The following DPYSL5 variants were observed in gnomAD, a reference collection of about 807,000 sequenced individuals.
DPYSL5 encodes dihydropyrimidinase-related protein 5.
Under a neutral mutation model 58.4 loss-of-function variants are expected in DPYSL5, and 9 were observed. The observed-to-expected ratio is 0.15, with a 90% CI of 0.09 to 0.27. The LOEUF (loss-of-function observed/expected upper bound fraction) is 0.27, where lower values mean the gene tolerates loss of function less well. DPYSL5 is among the 10% of genes least tolerant of loss of function. The probability of loss-of-function intolerance (pLI) is 1.00; values close to 1 mark genes in which losing one functional copy is unlikely to be tolerated. For synonymous variants in DPYSL5, 293 were observed against 301.9 expected (o/e 0.97, Z 0.31); for missense variants, 499 against 770.6 (o/e 0.65, Z 4.17).
chr2:26,943,463 G>A (rs1665377979), intron 11 of DPYSL5, among the ~76,000 whole-genome samples: 1 of 152,146 alleles, frequency 6.6e-6, no homozygotes, highest in South Asian at 2.1e-4. Flanking sequence ...GGGTTTAACC[G>A]TGTTGCTCGG....
chr2:26,921,099 T>A (rs1664691493), intron 2 of DPYSL5, among the ~76,000 whole-genome samples: 2 of 152,304 alleles, frequency 1.3e-5, no homozygotes, highest in South Asian at 4.1e-4. Context: ...CAACACACTA[T>A]ACTATGGCTG....
At chr2:26,870,708 C>CA (rs576919628) in intron 1 of DPYSL5, among the ~76,000 whole-genome samples, 4,802 of 80,172 alleles carry the variant, frequency 0.06, 264 homozygotes, top group African/African-American at 0.18. Flanking sequence ...GACTCTGTCT[C>CA]AAAAAAAAAA....
chr2:26,902,121 A>G (rs894237503), intron 2 of DPYSL5, among the ~76,000 whole-genome samples: 2 of 152,210 alleles, frequency 1.3e-5, no homozygotes, highest in South Asian at 4.1e-4. Flanking sequence ...CCTGCTGGCT[A>G]ACAATACAGA....
chr2:26,936,644 T>C (rs1665186740), intron 8 of DPYSL5, among the ~76,000 whole-genome samples: 1 of 152,182 alleles, frequency 6.6e-6, no homozygotes, highest in Middle Eastern at 3.4e-3. Flanking sequence ...CTAGATCAGC[T>C]CTTACTCTTA....
chr2:26,935,892 G>T (rs543452774), intron 8 of DPYSL5, among the ~76,000 whole-genome samples: 1 of 152,188 alleles, frequency 6.6e-6, no homozygotes, highest in Non-Finnish European at 1.5e-5. Context: ...TTGCAGCACT[G>T]GCAATGCCTC....
rs1358865995 is a variant in DPYSL5 at position 26,932,105 on chromosome 2, AAG to A, written c.714+423_714+424del. 5.2e-4 allele frequency among the ~76,000 whole-genome samples: 76 copies of A among 147,074 alleles called. 3 individuals carry two copies. Among genetic ancestry groups the A allele is most frequent in the Middle Eastern group, 3.5e-3 (1 of 286 alleles). On this transcript the variant is annotated intron_variant, in intron 6 of 12. Coordinates refer to ENST00000288699, the MANE Select transcript of DPYSL5 (RefSeq NM_020134.4). ...AGAAAAGAAAAAAGAAAGAGAAAGA[AAG>A]AAAAGAAAAAAGAAAGAGAAAGAAA...
intron 1 of DPYSL5, among the ~76,000 whole-genome samples, chr2:26,876,197 T>G (rs1481113307): frequency 2.0e-5 from 3 of 152,214 alleles, no homozygotes; most frequent in Admixed American, 6.5e-5. Flanking sequence ...GCTCCCATTT[T>G]GTAGCCATTT....
At chr2:26,916,251 C>A (rs1172299537) in intron 2 of DPYSL5, among the ~76,000 whole-genome samples, 1 of 152,196 alleles carries the variant, frequency 6.6e-6, no homozygotes, top group Non-Finnish European at 1.5e-5. Context: ...CCCAACACTG[C>A]CCTTGAGCTT....
chr2:26,879,941 A>C (rs1469462320), intron 1 of DPYSL5, among the ~76,000 whole-genome samples: 1 of 151,900 alleles, frequency 6.6e-6, no homozygotes, highest in Non-Finnish European at 1.5e-5. Flanking sequence ...CCCAGGCTGG[A>C]GTGCAGTGGC....
At chr2:26,869,328 A>G (rs1663198673) in intron 1 of DPYSL5, among the ~76,000 whole-genome samples, 1 of 152,190 alleles carries the variant, frequency 6.6e-6, no homozygotes, top group African/African-American at 2.4e-5. Context: ...TTTACATACT[A>G]TAACATTACT....
rs1055704392 is a variant in DPYSL5, at chr2:26,927,723, G to T, written c.600+291G>T. 6.6e-6 allele frequency among the ~76,000 whole-genome samples: 1 copy of T among 152,178 alleles called. No homozygotes were observed. Among genetic ancestry groups the T allele is most frequent in the African/African-American group, 2.4e-5 (1 of 41,444 alleles). ...AAATTCCATTATAGCAGAGAATTTG[G>T]AGCACCTCTCAGACATATTTTTAAT... On this transcript the variant is annotated intron_variant, in intron 4 of 12. Coordinates refer to ENST00000288699, the MANE Select transcript of DPYSL5 (RefSeq NM_020134.4). The surrounding 1 kb of genome is among the most constrained non-coding windows in gnomAD (Gnocchi z 4.3).
chr2:26,933,217 T>C lies in DPYSL5; in HGVS notation c.715-41T>C. On this transcript the variant is annotated intron_variant, in intron 6 of 12. Coordinates refer to ENST00000288699, the MANE Select transcript of DPYSL5 (RefSeq NM_020134.4). This position sits in a 1 kb window ranked among gnomAD's most constrained non-coding sequence, Gnocchi z 4.2. ...GTTATTCTGATGCTTGTGAAGTTTA[T>C]GGGTCAACCCTCCCTACTTCCCACT... The C allele has an allele frequency of 6.3e-7, 1 of 1,590,432 alleles. No homozygotes were observed. The highest frequency in any genetic ancestry group is 8.6e-7 in the Non-Finnish European group (1 of 1,158,470).
rs1019909621 is a variant in DPYSL5 at position 26,944,386 on chromosome 2, T to C, written c.1441-270T>C. Among the ~76,000 whole-genome samples the C allele has an allele frequency of 4.6e-5, 7 of 152,168 alleles. No individual in the cohort carries two copies. The highest frequency in any genetic ancestry group is 8.8e-5 in the Non-Finnish European group (6 of 68,038). ...AGTGTTGAGGGGGAGCCAGTATCTC[T>C]CCCATACACATGCATGCACACACAC... On this transcript the variant is annotated intron_variant, in intron 11 of 12. Transcript: ENST00000288699. The surrounding 1 kb of genome is among the most constrained non-coding windows in gnomAD (Gnocchi z 4.4).
At position 26,934,465 on chromosome 2, in the gene DPYSL5, G is replaced by A. The variant is rs1665121376; in HGVS notation, c.791-113G>A. The A allele has an allele frequency of 7.6e-7, 1 of 1,318,406 alleles. No individual in the cohort carries two copies. Among genetic ancestry groups the A allele is most frequent in the Non-Finnish European group, 1.0e-6 (1 of 964,846 alleles). The allele number at this position is 1,318,406 out of a possible 1,614,324, so 81.7% of individuals were successfully genotyped here. A position where few individuals can be genotyped will look rare whatever the true frequency, so the allele number is the denominator to read the frequency against. ...TTAAAAGCCCTGTGAGCTTGGGCAG[G>A]TCCCTTCCTGTCTCTGACCTCAGCT... On this transcript the variant is annotated intron_variant, in intron 7 of 12. Coordinates refer to ENST00000288699, the MANE Select transcript of DPYSL5 (RefSeq NM_020134.4). The surrounding 1 kb of genome is among the most constrained non-coding windows in gnomAD (Gnocchi z 4.3).
At chr2:26,855,458 T>C (rs958484140) in intron 1 of DPYSL5, among the ~76,000 whole-genome samples, 1 of 151,914 alleles carries the variant, frequency 6.6e-6, no homozygotes, top group African/African-American at 2.4e-5. Flanking sequence ...CCAAGTAAGA[T>C]TGAGTTTTTG....
Position 26,925,403 on chromosome 2 carries a change from G to A in DPYSL5, c.420+358G>A, listed in dbSNP as rs1043745420. On this transcript the variant is annotated intron_variant, in intron 3 of 12. Transcript: ENST00000288699. This position sits in a 1 kb window ranked among gnomAD's most constrained non-coding sequence, Gnocchi z 4.5. ...GAAGAGGCCTGAGCAGGGCTCAGGT[G>A]CAGAGGGTCATATCCCATATCCTAT... is the stretch of plus-strand genomic sequence containing the variant. Among the ~76,000 whole-genome samples the A allele has an allele frequency of 2.6e-5, 4 of 152,180 alleles. No individual in the cohort carries two copies. The highest frequency in any genetic ancestry group is 5.9e-5 in the Non-Finnish European group (4 of 68,022).
intron 2 of DPYSL5, among the ~76,000 whole-genome samples, chr2:26,909,502 C>T (rs1160383477): frequency 3.9e-5 from 6 of 152,022 alleles, no homozygotes; most frequent in Admixed American, 3.3e-4. Context: ...CTCGGTGGCT[C>T]ACGCCTGTAA....
rs1665416856 is a variant in DPYSL5 at position 26,944,554 on chromosome 2, G to A, written c.1441-102G>A. On this transcript the variant is annotated intron_variant, in intron 11 of 12. Coordinates refer to ENST00000288699, the MANE Select transcript of DPYSL5 (RefSeq NM_020134.4). The surrounding 1 kb of genome is among the most constrained non-coding windows in gnomAD (Gnocchi z 4.4). Reference sequence around the variant, plus strand: ...AGTGATTTGGGTCTTGGGCAGAGTGGCAGTGTCTAATGTCCCACCGGCCCC... The same window carrying A: ...AGTGATTTGGGTCTTGGGCAGAGTGACAGTGTCTAATGTCCCACCGGCCCC... The A allele has an allele frequency of 9.8e-6, 13 of 1,327,528 alleles. No homozygotes were observed. The South Asian group carries it at 1.7e-4, about 17-fold the overall frequency. 82.2% of individuals were successfully genotyped at this position (1,327,528 alleles called of 1,614,324 possible).
chr2:26,932,153 A>AAG (rs1254890590), intron 6 of DPYSL5, among the ~76,000 whole-genome samples: 2 of 53,376 alleles, frequency 3.7e-5, no homozygotes, highest in Non-Finnish European at 7.9e-5. Context: ...GAAAGAAAGA[A>AAG]AGAAAGAAAG....
Sources: allele counts gnomAD v4.1 joint callset (sites outside exome capture counted in the v4.1 genomes callset), GRCh38; gene constraint gnomAD v4.1.1; non-coding constraint Gnocchi (gnomAD v3.1); transcripts MANE v1.5; gene names NCBI Gene and HGNC (gene_info 2026-07-23, HGNC 2026-07-21).